CELF4: variants seen among roughly 807,000 people sequenced by gnomAD.
The protein encoded by CELF4 is CUGBP Elav-like family member 4.
CELF4 carries 18 observed loss-of-function variants against 59.9 expected under a neutral mutation model. The ratio of observed to expected loss-of-function variants is 0.30; its 90% CI spans 0.21 to 0.45. The LOEUF (loss-of-function observed/expected upper bound fraction) is 0.45. CELF4 is among the 20% of genes least tolerant of loss of function. The probability of loss-of-function intolerance (pLI) is 1.00; values close to 1 mark genes in which losing one functional copy is unlikely to be tolerated. For missense variants in CELF4, 456 were observed against 689.0 expected, an observed-to-expected ratio of 0.66 and a Z score of 3.79; for synonymous variants, 261 against 267.1, an observed-to-expected ratio of 0.98 and a Z score of 0.22.
At chr18:37,335,811 C>G (rs116700951) in intron 2 of CELF4, among the ~76,000 whole-genome samples, 2,011 of 152,208 alleles carry the variant, frequency 0.013, 43 homozygotes, top group African/African-American at 0.045. Context: ...TCCAAAATCT[C>G]CACCGCCATC....
chr18:37,422,414 C>A (rs1430687979), intron 2 of CELF4, among the ~76,000 whole-genome samples: 1 of 152,222 alleles, frequency 6.6e-6, no homozygotes. Flanking sequence ...CAGCTCCCCT[C>A]CCCCAGCACA....
chr18:37,335,771 C>T (rs894923958), intron 2 of CELF4, among the ~76,000 whole-genome samples: 2 of 152,106 alleles, frequency 1.3e-5, no homozygotes, highest in African/African-American at 4.8e-5. Context: ...GCCTGTGGCT[C>T]TCTTCAACCT....
At chr18:37,422,641 C>T (rs527357865) in intron 2 of CELF4, among the ~76,000 whole-genome samples, 1 of 152,222 alleles carries the variant, frequency 6.6e-6, no homozygotes, top group East Asian at 1.9e-4. Context: ...CCAGAGTGTG[C>T]GCACATGTGT....
chr18:37,277,177 C>A (rs967971907), intron 3 of CELF4, among the ~76,000 whole-genome samples: 2 of 152,060 alleles, frequency 1.3e-5, no homozygotes, highest in Non-Finnish European at 2.9e-5. Context: ...TGGGCCAGTT[C>A]TCAATGATGA....
chr18:37,333,066 T>A (rs1275727026), intron 2 of CELF4, among the ~76,000 whole-genome samples: 5 of 152,228 alleles, frequency 3.3e-5, no homozygotes, highest in African/African-American at 1.2e-4. Flanking sequence ...TGCAATTTTT[T>A]AAATAACAGT....
chr18:37,331,666 C>T (rs1013679293), intron 2 of CELF4, among the ~76,000 whole-genome samples: 2 of 151,318 alleles, frequency 1.3e-5, no homozygotes, highest in East Asian at 2.0e-4. Context: ...TTCTGTTGAC[C>T]TCATGACAGG....
intron 2 of CELF4, among the ~76,000 whole-genome samples, chr18:37,441,325 G>T (rs1253818723): frequency 6.6e-6 from 1 of 150,858 alleles, no homozygotes; most frequent in Admixed American, 6.6e-5. Context: ...ACACGGGGGA[G>T]ATGGGAACTG....
At chr18:37,408,221 TC>T (rs2099403465) in intron 2 of CELF4, among the ~76,000 whole-genome samples, 1 of 152,174 alleles carries the variant, frequency 6.6e-6, no homozygotes, top group Non-Finnish European at 1.5e-5. Flanking sequence ...GCTCCTTTGT[TC>T]TTATTAGTAA....
At chr18:37,513,947 T>C (rs1357744357) in intron 1 of CELF4, among the ~76,000 whole-genome samples, 2 of 63,708 alleles carry the variant, frequency 3.1e-5, no homozygotes, top group African/African-American at 9.3e-5. Flanking sequence ...GTGCCGTGTG[T>C]GTGTGTGTGT....
At chr18:37,562,852 T>C (rs140409070) in intron 1 of CELF4, among the ~76,000 whole-genome samples, 4 of 152,064 alleles carry the variant, frequency 2.6e-5, no homozygotes, top group Admixed American at 1.3e-4. Context: ...ACCTCGATTA[T>C]AAAAATCAGA....
At chr18:37,332,098 C>G (rs1395083936) in intron 2 of CELF4, among the ~76,000 whole-genome samples, 1 of 152,172 alleles carries the variant, frequency 6.6e-6, no homozygotes, top group Admixed American at 6.5e-5. Context: ...TCCAGAATGA[C>G]CAGCAGAACC....
At chr18:37,481,679 C>A (rs140884882) in intron 2 of CELF4, among the ~76,000 whole-genome samples, 2 of 152,140 alleles carry the variant, frequency 1.3e-5, no homozygotes, top group African/African-American at 4.8e-5. Flanking sequence ...GACTCTGGGC[C>A]GTTTCTCGGA....
At chr18:37,286,111 G>A (rs1021864679) in intron 3 of CELF4, among the ~76,000 whole-genome samples, 11 of 152,114 alleles carry the variant, frequency 7.2e-5, no homozygotes, top group African/African-American at 2.7e-4. Flanking sequence ...GGAGGTTTCT[G>A]CAGGGGAGGA....
rs73431289 is a variant in CELF4, at chr18:37,458,562, T to C, written c.369+26963A>G. 6.0e-3 allele frequency among the ~76,000 whole-genome samples: 907 copies of C among 152,354 alleles called. 10 individuals carry two copies. Among genetic ancestry groups the C allele is most frequent in the African/African-American group, 0.02 (835 of 41,586 alleles). On this transcript the variant is annotated intron_variant, in intron 2 of 12. Coordinates refer to ENST00000420428, the MANE Select transcript of CELF4 (RefSeq NM_020180.4). ...GGAGACCTTGTTACAGTTTGCAGTA[T>C]CTCTGTTATAACTTGTAGAGCTCAT...
At chr18:37,337,215 G>A (rs2097799268) in intron 2 of CELF4, among the ~76,000 whole-genome samples, 1 of 152,174 alleles carries the variant, frequency 6.6e-6, no homozygotes, top group South Asian at 2.1e-4. Flanking sequence ...AACTGGCCTG[G>A]GCTCCAGTGT....
chr18:37,403,477 TG>T lies in CELF4; in HGVS notation c.370-81597del, dbSNP rs537951585. On this transcript the variant is annotated intron_variant, in intron 2 of 12. Coordinates refer to ENST00000420428, the MANE Select transcript of CELF4 (RefSeq NM_020180.4). ...GTCACACAAGGCCCACAGGGAGGGCTGGGGACAAATGGCTGGAGTGGAGGGA... is the reference window on the plus strand; with the variant it reads ...GTCACACAAGGCCCACAGGGAGGGCTGGGACAAATGGCTGGAGTGGAGGGA... Among the ~76,000 whole-genome samples, 13 of 152,262 alleles carry T rather than the reference TG, an allele frequency of 8.5e-5. No homozygotes were observed. The East Asian group carries it at 2.5e-3, about 29-fold the overall frequency.
chr18:37,473,079 T>C (rs2099838498), intron 2 of CELF4, among the ~76,000 whole-genome samples: 1 of 152,148 alleles, frequency 6.6e-6, no homozygotes, highest in African/African-American at 2.4e-5. Flanking sequence ...GCAGAGGCTA[T>C]GAGGGAGGGC....
At chr18:37,274,480 C>A (rs372487108) in intron 5 of CELF4, 26 bp from the exon 6 acceptor site, 1 of 1,611,340 alleles carries the variant, frequency 6.2e-7, no homozygotes, top group Admixed American at 1.7e-5. Flanking sequence ...CGCGTGAGAC[C>A]CACCTGCTCC....
chr18:37,295,657 G>T (rs1423770043), intron 3 of CELF4, among the ~76,000 whole-genome samples: 5 of 152,298 alleles, frequency 3.3e-5, no homozygotes, highest in Non-Finnish European at 5.9e-5. Context: ...CACATAAAGA[G>T]GTTAAGAAGT....
Sources: gnomAD v4.1 joint callset for allele counts (sites outside exome capture counted in the v4.1 genomes callset) on GRCh38, gnomAD v4.1.1 for gene constraint, MANE v1.5 for transcripts, NCBI Gene and HGNC (gene_info 2026-07-23, HGNC 2026-07-21) for gene names.